Variants in NHLRC2 observed in about 807,000 individuals in gnomAD.
NHLRC2 encodes NHL repeat-containing protein 2.
In NHLRC2, 33 loss-of-function variants were observed where a neutral mutation model predicts 68.1. The ratio of observed to expected loss-of-function variants is 0.48; its 90% CI spans 0.37 to 0.65. The LOEUF (loss-of-function observed/expected upper bound fraction) is 0.65, where lower values mean the gene tolerates loss of function less well. Among genes scored for constraint, NHLRC2 ranks in the 30% least tolerant of loss-of-function variants. The pLI, the probability that NHLRC2 is intolerant of heterozygous loss-of-function variation, is 0.00. For synonymous variants in NHLRC2, 311 were observed against 309.6 expected (o/e 1.00, Z -0.05); for missense variants, 761 against 853.8 (o/e 0.89, Z 1.35).
intron 1 of NHLRC2, among the ~76,000 whole-genome samples, chr10:113,857,048 G>T (rs1363692961): frequency 6.6e-6 from 1 of 152,022 alleles, no homozygotes; most frequent in African/African-American, 2.4e-5. Flanking sequence ...TACCTTTCAG[G>T]ATTATTATTT....
In NHLRC2 at chr10:113,910,024, T is replaced by C. The variant is rs1846311799; in HGVS notation, c.*1488T>C. The C allele has an allele frequency of 6.6e-6, 1 of 152,194 alleles. No homozygotes were observed. Among genetic ancestry groups the C allele is most frequent in the Non-Finnish European group, 1.5e-5 (1 of 68,028 alleles). The allele number at this position is 152,194 out of a possible 1,614,324, so 9.4% of individuals were successfully genotyped here. On this transcript the variant is annotated 3_prime_UTR_variant, in exon 11 of 11. Coordinates refer to ENST00000369301, the MANE Select transcript of NHLRC2 (RefSeq NM_198514.4). ...TAAATCATGACATTGATTTAATTAG[T>C]CATCTACTGAAGCTACTTTTAAAGA...
intron 8 of NHLRC2, 101 bp downstream of exon 8, chr10:113,902,694 G>A (rs1294575693): frequency 3.0e-6 from 3 of 1,010,504 alleles, no homozygotes; most frequent in African/African-American, 3.3e-5. Flanking sequence ...CTAAAATATA[G>A]AAAGGAGTAA....
At chr10:113,870,854 G>A (rs1845916226) in intron 2 of NHLRC2, among the ~76,000 whole-genome samples, 4 of 151,910 alleles carry the variant, frequency 2.6e-5, no homozygotes. Context: ...TGGTATCTTG[G>A]TGTAATTTTA....
At chr10:113,880,350 T>C (rs946087997) in intron 4 of NHLRC2, among the ~76,000 whole-genome samples, 3 of 151,902 alleles carry the variant, frequency 2.0e-5, no homozygotes, top group Admixed American at 2.0e-4. Context: ...GTTTTGCAGG[T>C]TTTTCTAACT....
rs957309403 is a variant in NHLRC2 at position 113,911,875 on chromosome 10, T to G, written c.*3339T>G. ...TGTTTTTATTTTAATTCTACTTTGC[T>G]GTTTTTTTTTTCTTTTCAGTGAGCA... On this transcript the variant is annotated 3_prime_UTR_variant, in exon 11 of 11. Transcript: ENST00000369301. 1.3e-5 allele frequency: 2 copies of G among 151,910 alleles called. No homozygotes were observed. Among genetic ancestry groups the G allele is most frequent in the Non-Finnish European group, 2.9e-5 (2 of 67,918 alleles). The allele number at this position is 151,910 out of a possible 1,614,324, so 9.4% of individuals were successfully genotyped here.
At position 113,896,969 on chromosome 10, in the gene NHLRC2, G is replaced by T. The variant is rs572492098; in HGVS notation, c.1040-1141G>T. Among the ~76,000 whole-genome samples the T allele has an allele frequency of 2.0e-4, 31 of 151,588 alleles. No individual in the cohort carries two copies. In the South Asian group the frequency reaches 6.3e-3, roughly 31 times the overall value. Reference sequence around the variant, plus strand: ...AGATTGCTCCACTGCACTCCAGCCTGGGGGACGGAGTGAGACTCCGCCTCA... The same window carrying T: ...AGATTGCTCCACTGCACTCCAGCCTTGGGGACGGAGTGAGACTCCGCCTCA... On this transcript the variant is annotated intron_variant, in intron 5 of 10. Coordinates refer to ENST00000369301, the MANE Select transcript of NHLRC2 (RefSeq NM_198514.4).
At chr10:113,894,464 C>T (rs1011660800) in intron 5 of NHLRC2, among the ~76,000 whole-genome samples, 2 of 152,176 alleles carry the variant, frequency 1.3e-5, no homozygotes, top group African/African-American at 4.8e-5. Flanking sequence ...TACCCAACAA[C>T]ATTGCTAAAT....
chr10:113,902,548 CA>C lies in NHLRC2; in HGVS notation c.1456del (p.Arg486GlyfsTer27), dbSNP rs1054030952. 2.5e-6 allele frequency: 4 copies of C among 1,606,298 alleles called. No individual in the cohort carries two copies. Among genetic ancestry groups the C allele is most frequent in the Admixed American group, 1.7e-5 (1 of 58,714 alleles). On this transcript the variant is annotated frameshift_variant, in exon 8 of 11. Coordinates refer to ENST00000369301, the MANE Select transcript of NHLRC2 (RefSeq NM_198514.4). LOFTEE classifies it high-confidence loss of function. Reference protein sequence around the residue: ...LQHPLGVTWDKKRNLLYVADS... With the variant: ...LQHPLGVTWDXKRNLLYVADS... Reference sequence around the variant, plus strand: ...AACACCCCCTTGGAGTAACATGGGACAAAAAAAGGAATTTACTTTATGTTGC... The same window carrying C: ...AACACCCCCTTGGAGTAACATGGGACAAAAAAGGAATTTACTTTATGTTGC...
At chr10:113,855,112 C>T (rs1160836070) in intron 1 of NHLRC2, 62 bp downstream of exon 1, 2 of 1,427,506 alleles carry the variant, frequency 1.4e-6, no homozygotes, top group African/African-American at 1.4e-5. Context: ...GGGGACGGCG[C>T]CCTCCCGCGA....
At chr10:113,906,667 T>C (rs902802261) in intron 10 of NHLRC2, among the ~76,000 whole-genome samples, 1 of 152,156 alleles carries the variant, frequency 6.6e-6, no homozygotes, top group Non-Finnish European at 1.5e-5. Context: ...TTAAAATAGC[T>C]CAGTATTATT....
intron 2 of NHLRC2, among the ~76,000 whole-genome samples, chr10:113,865,099 C>T (rs1845852966): frequency 6.6e-6 from 1 of 151,770 alleles, no homozygotes; most frequent in Admixed American, 6.6e-5. Context: ...ACAGGCGCTC[C>T]TCACCACGCC....
intron 2 of NHLRC2, among the ~76,000 whole-genome samples, chr10:113,875,353 G>C (rs923699542): frequency 6.6e-6 from 1 of 152,132 alleles, no homozygotes; most frequent in South Asian, 2.1e-4. Context: ...GTAGTTTAGG[G>C]GTTAAACAAA....
intron 5 of NHLRC2, among the ~76,000 whole-genome samples, chr10:113,889,315 A>G (rs1564856147): frequency 6.6e-6 from 1 of 152,118 alleles, no homozygotes; most frequent in African/African-American, 2.4e-5. Context: ...TGCTAGTCTG[A>G]TAATCTACAG....
chr10:113,872,438 G>T (rs1259017471), intron 2 of NHLRC2, among the ~76,000 whole-genome samples: 1 of 151,952 alleles, frequency 6.6e-6, no homozygotes, highest in Non-Finnish European at 1.5e-5. Context: ...TACTGCAAAA[G>T]AAGCTGAAAA....
chr10:113,861,820 A>G (rs73345585), intron 2 of NHLRC2, among the ~76,000 whole-genome samples: 4,881 of 152,276 alleles, frequency 0.032, 275 homozygotes, highest in African/African-American at 0.11. Flanking sequence ...AGAGACTACT[A>G]TATTTTTAAA....
rs1846348728 is a variant in NHLRC2 at position 113,913,543 on chromosome 10, T to G, written c.*5007T>G. 1 of 152,200 alleles carries G rather than the reference T, an allele frequency of 6.6e-6. No individual in the cohort carries two copies. Among genetic ancestry groups the G allele is most frequent in the Non-Finnish European group, 1.5e-5 (1 of 68,040 alleles). 9.4% of individuals were successfully genotyped at this position (152,200 alleles called of 1,614,324 possible). On this transcript the variant is annotated 3_prime_UTR_variant, in exon 11 of 11. Coordinates refer to ENST00000369301, the MANE Select transcript of NHLRC2 (RefSeq NM_198514.4). Reference sequence around the variant, plus strand: ...GTTCTCAACAGTGCTGTTTCAAAAGTTGTTTTAAAAGTTCTAACGGTTGGT... The same window carrying G: ...GTTCTCAACAGTGCTGTTTCAAAAGGTGTTTTAAAAGTTCTAACGGTTGGT...
At chr10:113,875,108 G>A (rs923606286) in intron 2 of NHLRC2, among the ~76,000 whole-genome samples, 44 of 151,172 alleles carry the variant, frequency 2.9e-4, no homozygotes, top group African/African-American at 9.5e-4. Context: ...TTGAATATCA[G>A]GTAATTTTTT....
chr10:113,883,648 CAGTTT>C (rs1356072099), intron 4 of NHLRC2, among the ~76,000 whole-genome samples: 30 of 151,926 alleles, frequency 2.0e-4, no homozygotes, highest in Non-Finnish European at 3.7e-4. Context: ...ATTAGTTTTT[CAGTTT>C]ATAAAGTAAA....
In NHLRC2 at chr10:113,916,835, G is replaced by A. The variant is rs567607249; in HGVS notation, c.*8299G>A. On this transcript the variant is annotated 3_prime_UTR_variant, in exon 11 of 11. Coordinates refer to ENST00000369301, the MANE Select transcript of NHLRC2 (RefSeq NM_198514.4). ...TTTCTCCAGTGATTAAAAATGCAGC[G>A]AAAATCCAATCTACAAGTTCATATA... 2.6e-5 allele frequency: 4 copies of A among 152,190 alleles called. No individual in the cohort carries two copies. Among genetic ancestry groups the A allele is most frequent in the East Asian group, 3.9e-4 (2 of 5,186 alleles). 9.4% of individuals were successfully genotyped at this position (152,190 alleles called of 1,614,324 possible).
Sources: allele counts gnomAD v4.1 joint callset (sites outside exome capture counted in the v4.1 genomes callset), GRCh38; gene constraint gnomAD v4.1.1; transcripts MANE v1.5; gene names NCBI Gene and HGNC (gene_info 2026-07-23, HGNC 2026-07-21).